TSPAN12: variants seen among roughly 807,000 people sequenced by gnomAD.
The protein encoded by TSPAN12 is tetraspanin 12, also known as tetraspanin-12.
TSPAN12 carries 19 observed loss-of-function variants against 39.2 expected under a neutral mutation model. The ratio of observed to expected loss-of-function variants is 0.49; its 90% CI spans 0.34 to 0.71. The LOEUF is 0.71. Ranked by LOEUF, TSPAN12 falls within the 30% of genes least tolerant of loss-of-function variation. The pLI, the probability that TSPAN12 is intolerant of heterozygous loss-of-function variation, is 0.01. For missense variants in TSPAN12, 314 were observed against 359.9 expected, an observed-to-expected ratio of 0.87 and a Z score of 1.03; for synonymous variants, 119 against 124.8, an observed-to-expected ratio of 0.95 and a Z score of 0.31.
chr7:120,813,019 C>G lies in TSPAN12; in HGVS notation c.361-2449G>C, dbSNP rs114421976. On this transcript the variant is annotated intron_variant, in intron 5 of 7. Transcript: ENST00000222747. ...TTTCCTTATTGTGACCACTATCAAT[C>G]TGAGACCAAATGTGGAAGAAAACAG... 3.3e-3 allele frequency among the ~76,000 whole-genome samples: 508 copies of G among 152,216 alleles called. 4 individuals carry two copies. The highest frequency in any genetic ancestry group is 0.012 in the African/African-American group (495 of 41,518).
At chr7:120,832,831 G>A (rs1377989605) in intron 4 of TSPAN12, among the ~76,000 whole-genome samples, 2 of 152,064 alleles carry the variant, frequency 1.3e-5, no homozygotes, top group Non-Finnish European at 2.9e-5. Context: ...GATAACTACA[G>A]TAGAAATTTT....
intron 6 of TSPAN12, among the ~76,000 whole-genome samples, chr7:120,807,112 T>C (rs1266420130): frequency 6.6e-6 from 1 of 152,110 alleles, no homozygotes; most frequent in Non-Finnish European, 1.5e-5. Flanking sequence ...ATATTAAAAG[T>C]TTCTGTAATC....
intron 2 of TSPAN12, among the ~76,000 whole-genome samples, chr7:120,846,489 T>A (rs1430927950): frequency 6.6e-6 from 1 of 151,008 alleles, no homozygotes; most frequent in East Asian, 1.9e-4. Context: ...GTTTAGTTAC[T>A]ACATATAGGT....
chr7:120,833,714 G>A (rs1278450715), intron 4 of TSPAN12, among the ~76,000 whole-genome samples: 1 of 152,128 alleles, frequency 6.6e-6, no homozygotes, highest in Non-Finnish European at 1.5e-5. Context: ...ATCACATCCT[G>A]ACAAATGATG....
rs200239255 is a variant in TSPAN12 at position 120,831,327 on chromosome 7, CAG to C, written c.285+7448_285+7449del. On this transcript the variant is annotated intron_variant, in intron 4 of 7. Transcript: ENST00000222747. ...CCAAACGAAATGAATAGGAATGCCA[CAG>C]AGATATCTGTATTCTCATGTTCATT... Among the ~76,000 whole-genome samples the C allele has an allele frequency of 2.1e-3, 320 of 152,038 alleles. 2 individuals are homozygous for C. The East Asian group carries it at 0.038, about 18-fold the overall frequency.
chr7:120,853,090 A>ATTTT (rs11431943), intron 2 of TSPAN12, among the ~76,000 whole-genome samples: 1 of 141,974 alleles, frequency 7.0e-6, no homozygotes, highest in Non-Finnish European at 1.5e-5. Context: ...ATCCCAGCAG[A>ATTTT]TTTTTTTTTT....
chr7:120,793,652 G>T (rs1793576472), intron 7 of TSPAN12, among the ~76,000 whole-genome samples: 1 of 152,164 alleles, frequency 6.6e-6, no homozygotes, highest in African/African-American at 2.4e-5. Context: ...TCCAAAAGAG[G>T]TGTCAACTAC....
chr7:120,813,036 A>C (rs1794011288), intron 5 of TSPAN12, among the ~76,000 whole-genome samples: 1 of 152,322 alleles, frequency 6.6e-6, no homozygotes, highest in East Asian at 1.9e-4. Flanking sequence ...CAAATGTGGA[A>C]GAAAACAGAG....
intron 4 of TSPAN12, among the ~76,000 whole-genome samples, chr7:120,834,729 G>A (rs1184931677): frequency 6.6e-6 from 1 of 152,106 alleles, no homozygotes; most frequent in African/African-American, 2.4e-5. Context: ...GGACAAGTTG[G>A]ATGAATGTAT....
At chr7:120,840,307 C>A (rs981118631) in intron 2 of TSPAN12, among the ~76,000 whole-genome samples, 198 bp from the exon 3 acceptor site, 12 of 152,142 alleles carry the variant, frequency 7.9e-5, no homozygotes, top group Non-Finnish European at 1.6e-4. Flanking sequence ...GGAATACCAC[C>A]CAAATGGGAT....
chr7:120,853,165 C>T, intron 2 of TSPAN12, among the ~76,000 whole-genome samples: 1 of 150,634 alleles, frequency 6.6e-6, no homozygotes, highest in East Asian at 1.9e-4. Context: ...GCAATCTCTG[C>T]TAACTGCAAC....
Position 120,857,999 on chromosome 7 carries a change from GAAAAA to G in TSPAN12, c.-255_-251del. The G allele has an allele frequency of 8.8e-6, 1 of 113,518 alleles. No homozygotes were observed. The highest frequency in any genetic ancestry group is 1.9e-5 in the Non-Finnish European group (1 of 51,976). The allele number at this position is 113,518 out of a possible 1,614,324, so 7.0% of individuals were successfully genotyped here. A position where few individuals can be genotyped will look rare whatever the true frequency, so the allele number is the denominator to read the frequency against. On this transcript the variant is annotated 5_prime_UTR_variant, in exon 1 of 8. Transcript: ENST00000222747. ...CGCCGTCGCCGCCTCCTGGGAAAAA[GAAAAA>G]AAAAAAAAAAAGTCCTGGGCAGCAG... is the stretch of plus-strand genomic sequence containing the variant.
chr7:120,841,881 T>C (rs1250358707), intron 2 of TSPAN12, among the ~76,000 whole-genome samples: 1 of 152,212 alleles, frequency 6.6e-6, no homozygotes, highest in Non-Finnish European at 1.5e-5. Flanking sequence ...GTACATGTTT[T>C]AAATTTTTTC....
intron 4 of TSPAN12, among the ~76,000 whole-genome samples, chr7:120,825,168 C>A (rs752818038): frequency 2.2e-4 from 34 of 151,998 alleles, no homozygotes; most frequent in Non-Finnish European, 4.1e-4. Context: ...TTTTTGTGTG[C>A]AAGCAAGCAG....
intron 7 of TSPAN12, among the ~76,000 whole-genome samples, chr7:120,795,865 C>A (rs1793617894): frequency 6.6e-6 from 1 of 152,174 alleles, no homozygotes; most frequent in South Asian, 2.1e-4. Flanking sequence ...CACTACAAGA[C>A]TTTCTGTTCT....
At chr7:120,839,946 GA>G in intron 3 of TSPAN12, 80 bp downstream of exon 3, 1 of 1,148,786 alleles carries the variant, frequency 8.7e-7, no homozygotes, top group Non-Finnish European at 1.3e-6. Flanking sequence ...GATCAAGGAA[GA>G]GCACTACCAT....
At chr7:120,840,211 C>T in intron 2 of TSPAN12, 102 bp from the exon 3 acceptor site, 2 of 901,342 alleles carry the variant, frequency 2.2e-6, no homozygotes, top group Middle Eastern at 2.1e-4. Flanking sequence ...AATATCTTTC[C>T]CAATTACCAT....
At chr7:120,798,551 T>G (rs1291811593) in intron 7 of TSPAN12, among the ~76,000 whole-genome samples, 1 of 152,202 alleles carries the variant, frequency 6.6e-6, no homozygotes, top group South Asian at 2.1e-4. Flanking sequence ...TATTAAAAAA[T>G]CAGAATCCTA....
chr7:120,839,930 C>T (rs1794546555), intron 3 of TSPAN12, 97 bp downstream of exon 3: 1 of 1,040,892 alleles, frequency 9.6e-7, no homozygotes, highest in African/African-American at 1.6e-5. Context: ...AAAAACTTTT[C>T]CAAAAGATCA....
Sources: gnomAD v4.1 joint callset for allele counts (sites outside exome capture counted in the v4.1 genomes callset) on GRCh38, gnomAD v4.1.1 for gene constraint, MANE v1.5 for transcripts, NCBI Gene and HGNC (gene_info 2026-07-23, HGNC 2026-07-21) for gene names.